TMEM116: variants seen among roughly 807,000 people sequenced by gnomAD.
The protein encoded by TMEM116 is transmembrane protein 116.
Under a neutral mutation model 44.3 loss-of-function variants are expected in TMEM116, and 38 were observed. That is an observed-to-expected ratio of 0.86 (90% CI 0.66 to 1.12). The LOEUF (loss-of-function observed/expected upper bound fraction) is 1.12, where lower values mean the gene tolerates loss of function less well. TMEM116 is among the 50% of genes most tolerant of loss of function. TMEM116 has a pLI of 0.00. For missense variants in TMEM116, 354 were observed against 401.7 expected, an observed-to-expected ratio of 0.88 and a Z score of 1.01; for synonymous variants, 132 against 144.8, an observed-to-expected ratio of 0.91 and a Z score of 0.64.
At chr12:111,957,998 A>G (rs2074281275) in intron 4 of TMEM116, among the ~76,000 whole-genome samples, 1 of 152,176 alleles carries the variant, frequency 6.6e-6, no homozygotes, top group Non-Finnish European at 1.5e-5. Flanking sequence ...TCTCTGAAAC[A>G]TGTGCTGTGT....
intron 4 of TMEM116, among the ~76,000 whole-genome samples, chr12:111,959,192 T>C (rs929205183): frequency 1.3e-5 from 2 of 152,174 alleles, no homozygotes; most frequent in Non-Finnish European, 2.9e-5. Context: ...GAGGCCAATA[T>C]TCAACATTCT....
In TMEM116 at chr12:111,931,633, A is replaced by G; in HGVS notation, c.1002T>C (p.Ser334=). The change falls in exon 11 of 11, where the codon TCT becomes TCC. Residue 334 remains serine (S), a synonymous_variant. Coordinates refer to ENST00000552374, the MANE Select transcript of TMEM116 (RefSeq NM_001193531.2). ...CAGTATTGTAGTTTCAAAAAATGGT[A>G]GAAGTACTGGCAGGAAAAGTCAGGG... The part of the protein sequence containing the change: ...ESTLTFPAST[S]TIF The G allele has an allele frequency of 6.2e-7, 1 of 1,614,160 alleles. No individual in the cohort carries two copies. The highest frequency in any genetic ancestry group is 8.5e-7 in the Non-Finnish European group (1 of 1,179,980).
intron 4 of TMEM116, among the ~76,000 whole-genome samples, chr12:111,976,811 A>G (rs2075695872): frequency 6.6e-6 from 1 of 152,192 alleles, no homozygotes; most frequent in South Asian, 2.1e-4. Context: ...CGTCAAAAAT[A>G]CTGTAATAGA....
chr12:111,970,586 G>GT (rs200011351), intron 4 of TMEM116, among the ~76,000 whole-genome samples: 2,346 of 133,440 alleles, frequency 0.018, 51 homozygotes, highest in African/African-American at 0.051. Context: ...AATCAAATGG[G>GT]TTTTTTTTTT....
At chr12:111,941,841 T>C (rs1311559435) in intron 5 of TMEM116, among the ~76,000 whole-genome samples, 1 of 152,136 alleles carries the variant, frequency 6.6e-6, no homozygotes, top group Non-Finnish European at 1.5e-5. Context: ...AGTACCTCCT[T>C]AAGAAGTCAA....
In TMEM116 at chr12:111,932,371, C is replaced by T. The variant is rs11066093; in HGVS notation, c.807+215G>A. Among the ~76,000 whole-genome samples the T allele has an allele frequency of 1.5e-3, 225 of 152,278 alleles. 1 individual carries two copies. In the East Asian group the frequency reaches 0.037, roughly 25 times the overall value. On this transcript the variant is annotated intron_variant, in intron 10 of 10. Transcript: ENST00000552374. ...AAATGAAGTTGACCAGAGATATATA[C>T]GCTCTGGAATGCATGGAGGTACTTT...
chr12:111,942,801 T>G (rs943118200), intron 5 of TMEM116, among the ~76,000 whole-genome samples: 1 of 151,778 alleles, frequency 6.6e-6, no homozygotes, highest in African/African-American at 2.4e-5. Context: ...TGTGGGTGTG[T>G]GTATGTGTGT....
At chr12:111,963,898 C>G (rs1182020644) in intron 4 of TMEM116, among the ~76,000 whole-genome samples, 10 of 152,022 alleles carry the variant, frequency 6.6e-5, no homozygotes, top group Non-Finnish European at 1.0e-4. Context: ...TAAAGAACCA[C>G]CAATTCTTCT....
chr12:111,993,109 C>T (rs537634888), intron 3 of TMEM116: 1 of 213,484 alleles, frequency 4.7e-6, no homozygotes, highest in African/African-American at 2.3e-5. Flanking sequence ...GCAAGGCCCC[C>T]CCACTGCTCT....
intron 4 of TMEM116, among the ~76,000 whole-genome samples, chr12:111,958,073 C>G (rs1241069043): frequency 6.6e-6 from 1 of 151,858 alleles, no homozygotes; most frequent in African/African-American, 2.4e-5. Context: ...TGCTTGAAGG[C>G]AGCATGCTCG....
chr12:111,960,200 T>G (rs956355417), intron 4 of TMEM116, among the ~76,000 whole-genome samples: 3 of 151,906 alleles, frequency 2.0e-5, no homozygotes, highest in African/African-American at 7.3e-5. Flanking sequence ...AGAAACTCAC[T>G]CAGAATCGGC....
At chr12:111,982,160 T>C (rs896398718) in intron 4 of TMEM116, among the ~76,000 whole-genome samples, 15 of 152,168 alleles carry the variant, frequency 9.9e-5, no homozygotes, top group South Asian at 8.3e-4. Context: ...TACTTGAAAA[T>C]TGCCAACAGA....
intron 4 of TMEM116, among the ~76,000 whole-genome samples, chr12:111,972,252 G>T (rs2075387431): frequency 6.6e-6 from 1 of 151,992 alleles, no homozygotes; most frequent in African/African-American, 2.4e-5. Flanking sequence ...AATGAAGAAG[G>T]CCATTTCATA....
chr12:111,962,297 C>A (rs1291133568), intron 4 of TMEM116, among the ~76,000 whole-genome samples: 12 of 152,094 alleles, frequency 7.9e-5, no homozygotes, highest in Admixed American at 7.2e-4. Context: ...ACTTTCTTCA[C>A]AAAATTAGAA....
chr12:111,996,588 GT>G (rs1346520607), intron 3 of TMEM116, among the ~76,000 whole-genome samples: 3 of 152,266 alleles, frequency 2.0e-5, no homozygotes, highest in East Asian at 3.9e-4. Flanking sequence ...GGCACAACCA[GT>G]TGGAAAAGAG....
chr12:111,962,848 C>T (rs2074691357), intron 4 of TMEM116, among the ~76,000 whole-genome samples: 1 of 152,060 alleles, frequency 6.6e-6, no homozygotes, highest in Admixed American at 6.5e-5. Flanking sequence ...TTCTGCACAG[C>T]AAAAGAAACT....
At chr12:111,941,583 T>C (rs1334363937) in intron 5 of TMEM116, among the ~76,000 whole-genome samples, 1 of 152,204 alleles carries the variant, frequency 6.6e-6, no homozygotes, top group Non-Finnish European at 1.5e-5. Context: ...ATATAGCTAG[T>C]AGCTACTGAA....
intron 4 of TMEM116, among the ~76,000 whole-genome samples, chr12:111,986,285 G>A (rs1304870594): frequency 1.3e-5 from 2 of 152,230 alleles, no homozygotes; most frequent in Middle Eastern, 3.4e-3. Flanking sequence ...CTTAAGCCCA[G>A]AAGGTTGAGG....
rs545774319 is a variant in TMEM116 at position 111,996,274 on chromosome 12, A to G, written c.79-4385T>C. Among the ~76,000 whole-genome samples the G allele has an allele frequency of 1.2e-4, 19 of 152,278 alleles. No individual in the cohort carries two copies. In the South Asian group the frequency reaches 3.7e-3, roughly 30 times the overall value. ...AAGACACCATAAAGAAAGTAAAAAG[A>G]CATACCACAAAATAGAAGATATTTG... On this transcript the variant is annotated intron_variant, in intron 3 of 10. Transcript: ENST00000552374.
Sources: gnomAD v4.1 joint callset for allele counts (sites outside exome capture counted in the v4.1 genomes callset) on GRCh38, gnomAD v4.1.1 for gene constraint, MANE v1.5 for transcripts, NCBI Gene and HGNC (gene_info 2026-07-23, HGNC 2026-07-21) for gene names.